RPL9: variants seen among roughly 807,000 people sequenced by gnomAD.
RPL9 encodes large ribosomal subunit protein uL6.
For synonymous variants in RPL9, 82 were observed against 77.1 expected (o/e 1.06, Z -0.33); for missense variants, 149 against 236.7 (o/e 0.63, Z 2.43).
chr4:39,457,266 TG>T (rs1744128532), intron 4 of RPL9: 1 of 217,570 alleles, frequency 4.6e-6, no homozygotes, highest in Admixed American at 5.2e-5. Context: ...TGGTGGCTCA[TG>T]CCTGCAATCC....
chr4:39,457,803 T>G (rs1046546022), intron 3 of RPL9, 122 bp from the exon 4 acceptor site: 19 of 865,486 alleles, frequency 2.2e-5, no homozygotes, highest in Non-Finnish European at 3.0e-5. Flanking sequence ...GGTTTTCAAC[T>G]GGAAAAATCC....
In RPL9 at chr4:39,456,421, C is replaced by T; in HGVS notation, c.376G>A (p.Val126Ile). The T allele has an allele frequency of 6.2e-7, 1 of 1,613,952 alleles. No homozygotes were observed. Residue 126 changes from valine (V) to isoleucine (I), a missense_variant, in exon 5 of 8, where the codon GTT (valine) becomes ATT (isoleucine). Coordinates refer to ENST00000295955, the MANE Select transcript of RPL9 (RefSeq NM_000661.5). ...ATGCACATACCTGGTCTCATCCGAA[C>T]CCTGCGGATATATTTTTCACCCAAG... ...NFLGEKYIRR[V>I]RMRPGVACSV...
intron 4 of RPL9, chr4:39,456,888 C>T: frequency 4.7e-6 from 1 of 212,152 alleles, no homozygotes; most frequent in Non-Finnish European, 9.5e-6. Flanking sequence ...AGGCAGGCCC[C>T]CTGCCTTCAA....
chr4:39,454,440 C>A, intron 7 of RPL9, 93 bp downstream of exon 7: 1 of 955,604 alleles, frequency 1.0e-6, no homozygotes, highest in East Asian at 2.6e-5. Context: ...TCTCCATTTT[C>A]TATTACTACA....
At chr4:39,456,126 A>T (rs1391325267) in intron 5 of RPL9, 1 of 429,076 alleles carries the variant, frequency 2.3e-6, no homozygotes, top group East Asian at 5.3e-5. Context: ...GTAAATTTAA[A>T]GTCTTTTTAA....
chr4:39,456,605 C>G, intron 4 of RPL9, 67 bp from the exon 5 acceptor site: 1 of 1,539,032 alleles, frequency 6.5e-7, no homozygotes, highest in East Asian at 2.3e-5. Context: ...TTAAAATTTT[C>G]TAAGATGCTT....
At chr4:39,456,838 A>G (rs1000669423) in intron 4 of RPL9, 1 of 299,152 alleles carries the variant, frequency 3.3e-6, no homozygotes, top group Non-Finnish European at 6.3e-6. Context: ...CTGAGTTACT[A>G]AGGTACAGCA....
intron 4 of RPL9, chr4:39,456,803 A>T (rs1170840715): frequency 5.2e-6 from 2 of 381,758 alleles, no homozygotes; most frequent in African/African-American, 4.1e-5. Flanking sequence ...CAAAGCCCTG[A>T]TCTTAGACAT....
chr4:39,455,060 G>C, intron 5 of RPL9, 116 bp from the exon 6 acceptor site: 1 of 1,090,184 alleles, frequency 9.2e-7, no homozygotes, highest in Non-Finnish European at 1.3e-6. Flanking sequence ...CTTTTCTTAA[G>C]ATTTTGAGGC....
At chr4:39,454,772 G>C in intron 6 of RPL9, 92 bp downstream of exon 6, 1 of 1,466,884 alleles carries the variant, frequency 6.8e-7, no homozygotes, top group Non-Finnish European at 9.3e-7. Context: ...AATTTAAAAA[G>C]CTAATCAAAT....
Position 39,454,573 on chromosome 4 carries a change from T to C in RPL9, c.549A>G (p.Glu183=). 6.2e-7 allele frequency: 1 copy of C among 1,613,028 alleles called. No homozygotes were observed. The part of the protein sequence containing the change: ...RKFLDGIYVS[E]KGTVQQADE ...CATCAGCCTGCTGAACAGTTCCTTT[T>C]TCAGAGACATAGATACCATCCAAAA... Residue 183 remains glutamate, a synonymous_variant, in exon 7 of 8, where the codon GAA becomes GAG. Transcript: ENST00000295955.
At chr4:39,458,807 G>T in intron 1 of RPL9, 84 bp downstream of exon 1, 1 of 686,970 alleles carries the variant, frequency 1.5e-6, no homozygotes, top group Admixed American at 2.0e-5. Flanking sequence ...ACAAGGTTCC[G>T]AGAGTGGGAG....
At chr4:39,454,972 C>A (rs1169742529) in intron 5 of RPL9, 28 bp from the exon 6 acceptor site, 2 of 1,578,114 alleles carry the variant, frequency 1.3e-6, no homozygotes, top group East Asian at 2.2e-5. Context: ...ATTTGCACAG[C>A]ATCAAATCTG....
Position 39,457,363 on chromosome 4 carries a change from A to AC in RPL9, c.258+222_258+223insG, listed in dbSNP as rs200024731. On this transcript the variant is annotated intron_variant, in intron 4 of 7. Transcript: ENST00000295955. ...GACCCCAGCCTTGATTAAAAAAAAA[A>AC]AAAACCCAACAACAGAAAAAAACAA... 773 of 410,680 alleles carry AC rather than the reference A, an allele frequency of 1.9e-3. 7 individuals are homozygous for AC. The highest frequency in any genetic ancestry group is 0.015 in the African/African-American group (711 of 48,718). The allele number at this position is 410,680 out of a possible 1,614,324, so 25.4% of individuals were successfully genotyped here.
At chr4:39,458,567 G>C (rs915406746) in intron 1 of RPL9, 127 bp from the exon 2 acceptor site, 22 of 976,206 alleles carry the variant, frequency 2.3e-5, no homozygotes, top group African/African-American at 3.3e-5. Flanking sequence ...CGGAGGACGG[G>C]AGACCGACAG....
chr4:39,458,600 T>A, intron 1 of RPL9, 160 bp from the exon 2 acceptor site: 1 of 705,356 alleles, frequency 1.4e-6, no homozygotes, highest in Non-Finnish European at 2.4e-6. Context: ...TGTCCCAGCC[T>A]GGAAGGAGCA....
intron 5 of RPL9, chr4:39,456,033 C>T: frequency 3.7e-6 from 1 of 269,942 alleles, no homozygotes; most frequent in Non-Finnish European, 7.2e-6. Flanking sequence ...GTTAATTAGC[C>T]TGATTTAGTC....
chr4:39,458,828 G>T (rs1299021396), intron 1 of RPL9, 63 bp downstream of exon 1: 2 of 690,884 alleles, frequency 2.9e-6, no homozygotes, highest in Non-Finnish European at 5.3e-6. Context: ...CCGCGCCGCA[G>T]CCTTTCCCAG....
chr4:39,456,832 G>C, intron 4 of RPL9: 1 of 308,048 alleles, frequency 3.2e-6, no homozygotes, highest in Non-Finnish European at 6.1e-6. Context: ...CATTTACTGA[G>C]TTACTAAGGT....
Sources: allele counts gnomAD v4.1 joint callset, GRCh38; gene constraint gnomAD v4.1.1; transcripts MANE v1.5; gene names NCBI Gene and HGNC (gene_info 2026-07-23, HGNC 2026-07-21).